TBC1D9: variants seen among roughly 807,000 people sequenced by gnomAD.
TBC1D9 encodes TBC1 domain family member 9.
In TBC1D9, 63 loss-of-function variants were observed where a neutral mutation model predicts 132.0. The ratio of observed to expected loss-of-function variants is 0.48; its 90% confidence interval spans 0.39 to 0.59. The LOEUF (loss-of-function observed/expected upper bound fraction) is 0.59, where lower values mean the gene tolerates loss of function less well. TBC1D9 is among the 20% of genes least tolerant of loss of function. The pLI is 0.00. For synonymous variants in TBC1D9, 610 were observed against 609.9 expected (o/e 1.00, Z 0.00); for missense variants, 1,261 against 1,592.7 (o/e 0.79, Z 3.54).
rs1023804776 is a variant in TBC1D9 at position 140,644,053 on chromosome 4, G to C, written c.2338-4625C>G. 210 of 444,438 alleles carry C rather than the reference G, an allele frequency of 4.7e-4. 1 individual carries two copies. Among genetic ancestry groups the C allele is most frequent in the Non-Finnish European group, 3.9e-5 (9 of 232,604 alleles). The allele number at this position is 444,438 out of a possible 1,614,324, so 27.5% of individuals were successfully genotyped here. On this transcript the variant is annotated intron_variant, in intron 13 of 20. Transcript: ENST00000442267. ...AGGATGAGCTTGTCTTCGGGCGAGA[G>C]TGTCAGGCGCTTGGTCCCATCAGCT... is the stretch of plus-strand genomic sequence containing the variant.
chr4:140,748,693 C>G (rs1005476092), intron 1 of TBC1D9, among the ~76,000 whole-genome samples: 1 of 152,148 alleles, frequency 6.6e-6, no homozygotes, highest in Non-Finnish European at 1.5e-5. Flanking sequence ...AAGTGCCAAC[C>G]ATTCAAAACA....
rs905454083 is a variant in TBC1D9 at position 140,670,843 on chromosome 4, T to C, written c.1143A>G (p.Leu381=). The change falls in exon 7 of 21, where the codon CTA becomes CTG. Residue 381 remains leucine (L), a synonymous_variant. Transcript: ENST00000442267. ...AGTCTCTATCTTTCAAGTTGGCAAA[T>C]AGGAAGGTCATCCTGTTTCGGGTGC... ...SISTRNRMTF[L]FANLKDRDFL... 2 of 1,613,880 alleles carry C rather than the reference T, an allele frequency of 1.2e-6. No homozygotes were observed. Among genetic ancestry groups the C allele is most frequent in the East Asian group, 2.2e-5 (1 of 44,896 alleles).
At chr4:140,747,185 T>TA (rs1306685491) in intron 1 of TBC1D9, among the ~76,000 whole-genome samples, 4 of 151,626 alleles carry the variant, frequency 2.6e-5, no homozygotes, top group Admixed American at 1.3e-4. Flanking sequence ...CCTCCTCTAC[T>TA]AAAAAAATAC....
chr4:140,621,513 CA>C lies in TBC1D9; in HGVS notation c.*681del, dbSNP rs1004480487. The C allele has an allele frequency of 2.6e-5, 4 of 152,208 alleles. No homozygotes were observed. In the South Asian group the frequency reaches 8.3e-4, roughly 32 times the overall value. The allele number at this position is 152,208 out of a possible 1,614,324, so 9.4% of individuals were successfully genotyped here. A position where few individuals can be genotyped will look rare whatever the true frequency, so the allele number is the denominator to read the frequency against. On this transcript the variant is annotated 3_prime_UTR_variant, in exon 21 of 21. Transcript: ENST00000442267. Reference sequence around the variant, plus strand: ...AATAATCAGAACAATTTCTTAAATGCAAAATTGGTCTGGTATCTGTCTAAAT... The same window carrying C: ...AATAATCAGAACAATTTCTTAAATGCAAATTGGTCTGGTATCTGTCTAAAT...
intron 2 of TBC1D9, chr4:140,700,858 TG>T (rs1175007884): frequency 6.6e-6 from 1 of 151,154 alleles, no homozygotes; most frequent in Non-Finnish European, 1.5e-5. Flanking sequence ...AGTGCAGCAG[TG>T]AGAAGTGGGG....
rs115249980 is a variant in TBC1D9 at position 140,687,242 on chromosome 4, A to G, written c.242-780T>C. Reference sequence around the variant, plus strand: ...AAAGATACTGGACTAAATTCCCCTAATGATTGTTAATGATCTTATAGAAAA... The same window carrying G: ...AAAGATACTGGACTAAATTCCCCTAGTGATTGTTAATGATCTTATAGAAAA... On this transcript the variant is annotated intron_variant, in intron 2 of 20. Coordinates refer to ENST00000442267, the MANE Select transcript of TBC1D9 (RefSeq NM_015130.3). Among the ~76,000 whole-genome samples, 1,364 of 149,650 alleles carry G rather than the reference A, an allele frequency of 9.1e-3. 17 individuals carry two copies. Among genetic ancestry groups the G allele is most frequent in the African/African-American group, 0.031 (1,263 of 40,984 alleles).
At chr4:140,708,869 A>G (rs537269196) in intron 1 of TBC1D9, among the ~76,000 whole-genome samples, 1 of 152,256 alleles carries the variant, frequency 6.6e-6, no homozygotes, top group East Asian at 1.9e-4. Context: ...CGTGACCTCA[A>G]AGAGTATTAT....
intron 1 of TBC1D9, among the ~76,000 whole-genome samples, chr4:140,712,593 T>G (rs1291639022): frequency 6.6e-6 from 1 of 151,130 alleles, no homozygotes; most frequent in Non-Finnish European, 1.5e-5. Flanking sequence ...ATACAAAAAA[T>G]TAGCTAGGCG....
At chr4:140,733,341 TC>T (rs1738627386) in intron 1 of TBC1D9, among the ~76,000 whole-genome samples, 1 of 152,076 alleles carries the variant, frequency 6.6e-6, no homozygotes, top group African/African-American at 2.4e-5. Context: ...CAGATACCAA[TC>T]CCTCCTTTGT....
intron 6 of TBC1D9, among the ~76,000 whole-genome samples, chr4:140,673,207 AT>A (rs1307304652): frequency 6.6e-6 from 1 of 152,018 alleles, no homozygotes; most frequent in African/African-American, 2.4e-5. Context: ...TGGCTTAATA[AT>A]TTCTTCAAAA....
intron 18 of TBC1D9, 123 bp from the exon 19 acceptor site, chr4:140,624,511 A>G: frequency 2.6e-6 from 2 of 760,278 alleles, no homozygotes; most frequent in Non-Finnish European, 4.1e-6. Flanking sequence ...AAACAAACAA[A>G]CAAAAAAAAA....
At chr4:140,715,518 T>C (rs1738321126) in intron 1 of TBC1D9, among the ~76,000 whole-genome samples, 2 of 152,228 alleles carry the variant, frequency 1.3e-5, no homozygotes, top group South Asian at 4.1e-4. Context: ...CTAACCCCTT[T>C]GGCTCCATCT....
chr4:140,650,420 T>C (rs562410241), intron 13 of TBC1D9, among the ~76,000 whole-genome samples: 3 of 152,380 alleles, frequency 2.0e-5, no homozygotes, highest in African/African-American at 7.2e-5. Flanking sequence ...AGCTGTCTAG[T>C]TCCAGAAGCC....
intron 1 of TBC1D9, among the ~76,000 whole-genome samples, chr4:140,712,841 G>A (rs185425441): frequency 6.0e-4 from 91 of 152,090 alleles, no homozygotes; most frequent in Admixed American, 1.1e-3. Flanking sequence ...GATTGTTTCC[G>A]GAACAAACTG....
At chr4:140,710,284 A>AT (rs759280527) in intron 1 of TBC1D9, among the ~76,000 whole-genome samples, 14 of 152,180 alleles carry the variant, frequency 9.2e-5, no homozygotes, top group Non-Finnish European at 1.3e-4. Flanking sequence ...GTGTTAGGTG[A>AT]TCCCCGAGAG....
intron 1 of TBC1D9, 110 bp downstream of exon 1, chr4:140,755,806 C>T: frequency 2.2e-6 from 3 of 1,370,818 alleles, no homozygotes; most frequent in Non-Finnish European, 2.8e-6. Context: ...CAGGGCGGGT[C>T]GCCCAGCCCC....
chr4:140,679,363 T>C (rs1737671694), intron 4 of TBC1D9, among the ~76,000 whole-genome samples, 160 bp from the exon 5 acceptor site: 1 of 152,196 alleles, frequency 6.6e-6, no homozygotes, highest in Non-Finnish European at 1.5e-5. Flanking sequence ...ATCTGGGCCA[T>C]GTGAATTCTG....
chr4:140,698,565 T>C (rs867256180), intron 2 of TBC1D9, among the ~76,000 whole-genome samples: 3 of 152,030 alleles, frequency 2.0e-5, no homozygotes, highest in Admixed American at 6.6e-5. Context: ...CTGACCAACA[T>C]GGTAAAACCC....
chr4:140,644,166 G>A, intron 13 of TBC1D9: 1 of 360,318 alleles, frequency 2.8e-6, no homozygotes, highest in Non-Finnish European at 5.4e-6. Context: ...GTAGTGTGGT[G>A]GCAGGGCTTG....
Sources: gnomAD v4.1 joint callset for allele counts (sites outside exome capture counted in the v4.1 genomes callset) on GRCh38, gnomAD v4.1.1 for gene constraint, MANE v1.5 for transcripts, NCBI Gene and HGNC (gene_info 2026-07-23, HGNC 2026-07-21) for gene names.